AXIN2: variants seen among roughly 807,000 people sequenced by gnomAD.
AXIN2 encodes axin 2, also known as axin-2.
A neutral mutation model predicts 74.7 loss-of-function variants in AXIN2; 21 were observed. The observed-to-expected ratio is 0.28, with a 90% CI of 0.20 to 0.40. AXIN2 has a LOEUF of 0.40. Ranked by LOEUF, AXIN2 falls within the 10% of genes least tolerant of loss-of-function variation. The pLI is 1.00. For missense variants in AXIN2, 1,144 were observed against 1,111.1 expected (o/e 1.03, Z -0.42); for synonymous variants, 532 against 454.9 (o/e 1.17, Z -2.16).
At position 65,535,647 on chromosome 17, in the gene AXIN2, T is replaced by C. The variant is rs547630327; in HGVS notation, c.2216A>G (p.Asn739Ser). Residue 739 changes from asparagine (N) to serine (S), a missense_variant, in exon 9 of 11, where the codon AAT becomes AGT. Asn to Ser is a conservative substitution (Grantham distance 46). This residue lies in a region of AXIN2 where 1,053 missense variants were observed against 973.5 expected (regional missense o/e 1.08). Transcript: ENST00000307078. The stretch of plus-strand genomic sequence containing the variant: ...TCACTCTTCTGGAGCCAGGCTTGGA[T>C]TGGAGAAGGGTGTGGCTCCCGTCTG... ...TVQTGATPFSNPSLAPEDHKE... is the reference protein window; with the variant it reads ...TVQTGATPFSSPSLAPEDHKE... 53 of 1,614,128 alleles carry C rather than the reference T, an allele frequency of 3.3e-5. No individual in the cohort carries two copies. The highest frequency in any genetic ancestry group is 7.7e-5 in the South Asian group (7 of 91,076).
rs776372607 is a variant in AXIN2 at position 65,538,195 on chromosome 17, C to T, written c.1200+8G>A. The T allele has an allele frequency of 1.4e-5, 23 of 1,614,102 alleles. No homozygotes were observed. In the East Asian group the frequency reaches 1.8e-4, roughly 13 times the overall value. On this transcript the variant is annotated splice_region_variant and intron_variant, in intron 5 of 10. Transcript: ENST00000307078. ...ACGGAAGCAGGAAGAAGGCCTAGGC[C>T]GCATTACCTCTCGGATCTGCTGCAG...
In AXIN2 at chr17:65,549,577, C is replaced by G. The variant is rs1333766927; in HGVS notation, c.899G>C (p.Ser300Thr). 1 of 1,609,324 alleles carries G rather than the reference C, an allele frequency of 6.2e-7. No individual in the cohort carries two copies. ...CGTCAGCGCATCACTGGATATCTCA[C>G]TGTCGTTGGCGCTGGTGGCTGGTGC... ...VFAPATSANDSEISSDALTDD... is the reference protein window; with the variant it reads ...VFAPATSANDTEISSDALTDD... Residue 300 changes from serine to threonine, a missense_variant, in exon 3 of 11, where the codon AGT (serine) becomes ACT (threonine). Physicochemically the swap from Ser to Thr is moderately conservative, Grantham distance 58. Coordinates refer to ENST00000307078, the MANE Select transcript of AXIN2 (RefSeq NM_004655.4).
chr17:65,557,921 A>C lies in AXIN2; in HGVS notation c.700T>G (p.Trp234Gly), dbSNP rs2044294847. The part of the protein sequence containing the change: ...YLPTLNEEEE[W>G]TCADFKCKLS... ...TTGCACTTGAAGTCGGCACAAGTCC[A>C]CTCCTCTTCTTCATTCAAGGTGGGG... Residue 234 changes from tryptophan to glycine, a missense_variant, in exon 2 of 11, where the codon TGG becomes GGG. Trp to Gly is a radical substitution (Grantham distance 184, BLOSUM62 -2). This residue lies in a region of AXIN2 where 1,053 missense variants were observed against 973.5 expected (regional missense o/e 1.08). Coordinates refer to ENST00000307078, the MANE Select transcript of AXIN2 (RefSeq NM_004655.4). The C allele has an allele frequency of 6.2e-7, 1 of 1,613,516 alleles. No homozygotes were observed. Among genetic ancestry groups the C allele is most frequent in the Non-Finnish European group, 8.5e-7 (1 of 1,179,888 alleles).
chr17:65,536,598 G>A, intron 7 of AXIN2, 45 bp from the exon 8 acceptor site: 6 of 1,601,608 alleles, frequency 3.7e-6, no homozygotes, highest in South Asian at 3.3e-5. Context: ...AAAGAAACTG[G>A]GTTAGAAGAA....
chr17:65,536,120 C>A (rs2043909654), intron 8 of AXIN2, among the ~76,000 whole-genome samples, 200 bp downstream of exon 8: 1 of 152,256 alleles, frequency 6.6e-6, no homozygotes. Flanking sequence ...CCTGGCTTAA[C>A]TCTAGTAGAA....
At chr17:65,530,791 C>T (rs1270148323) in intron 10 of AXIN2, among the ~76,000 whole-genome samples, 3 of 152,212 alleles carry the variant, frequency 2.0e-5, no homozygotes, top group Non-Finnish European at 4.4e-5. Flanking sequence ...CCTCTTCTCC[C>T]ATCCCATCCC....
At chr17:65,531,158 G>A (rs988782667) in intron 10 of AXIN2, among the ~76,000 whole-genome samples, 5 of 150,844 alleles carry the variant, frequency 3.3e-5, no homozygotes, top group Admixed American at 3.3e-4. Flanking sequence ...ATTTAATTGT[G>A]TCTCAGGGTT....
In AXIN2 at chr17:65,529,181, A is replaced by AG. The variant is rs1453589716; in HGVS notation, c.*794dup. 1 of 234,216 alleles carries AG rather than the reference A, an allele frequency of 4.3e-6. No homozygotes were observed. The highest frequency in any genetic ancestry group is 8.4e-6 in the Non-Finnish European group (1 of 118,838). 14.5% of individuals were successfully genotyped at this position (234,216 alleles called of 1,614,324 possible). The stretch of plus-strand genomic sequence containing the variant: ...GCCCTGGGCCTGGGGAGGCTACATG[A>AG]GGGGGAGCCTCAGTCACAGGATCAA... On this transcript the variant is annotated 3_prime_UTR_variant, in exon 11 of 11. Coordinates refer to ENST00000307078, the MANE Select transcript of AXIN2 (RefSeq NM_004655.4).
At chr17:65,535,285 T>C (rs910967015) in intron 9 of AXIN2, among the ~76,000 whole-genome samples, 3 of 152,192 alleles carry the variant, frequency 2.0e-5, no homozygotes, top group African/African-American at 7.2e-5. Flanking sequence ...TGGAGAATGA[T>C]CTTTCTGCTC....
intron 3 of AXIN2, among the ~76,000 whole-genome samples, chr17:65,545,175 G>A (rs929006172): frequency 3.9e-5 from 6 of 152,186 alleles, no homozygotes; most frequent in African/African-American, 1.4e-4. Context: ...GCAACTCCTA[G>A]CAGAAAGAAG....
At chr17:65,534,877 C>T (rs1361282426) in intron 9 of AXIN2, among the ~76,000 whole-genome samples, 1 of 152,102 alleles carries the variant, frequency 6.6e-6, no homozygotes, top group Non-Finnish European at 1.5e-5. Flanking sequence ...CTGCAGTGGG[C>T]CAAGATTAAG....
At chr17:65,541,345 C>T in intron 4 of AXIN2, 110 bp downstream of exon 4, 1 of 986,220 alleles carries the variant, frequency 1.0e-6, no homozygotes, top group Non-Finnish European at 1.6e-6. Flanking sequence ...ACCTTAGGTA[C>T]TGCTCTTTTC....
At chr17:65,540,161 A>G (rs1196412624) in intron 4 of AXIN2, among the ~76,000 whole-genome samples, 1 of 152,268 alleles carries the variant, frequency 6.6e-6, no homozygotes, top group Non-Finnish European at 1.5e-5. Flanking sequence ...ATACATAAAT[A>G]AATGACTAAA....
intron 10 of AXIN2, 128 bp downstream of exon 10, chr17:65,533,784 C>G (rs531167593): frequency 9.4e-7 from 1 of 1,063,186 alleles, no homozygotes; most frequent in Non-Finnish European, 1.4e-6. Flanking sequence ...GAGCCTCCCC[C>G]AGCGCCTGCT....
intron 7 of AXIN2, 104 bp from the exon 8 acceptor site, chr17:65,536,657 G>C: frequency 2.8e-6 from 4 of 1,434,014 alleles, no homozygotes; most frequent in Non-Finnish European, 3.9e-6. Context: ...CTCAGAGAGA[G>C]AGTTAAAAAA....
intron 4 of AXIN2, among the ~76,000 whole-genome samples, chr17:65,540,148 T>C (rs1477500748): frequency 6.6e-6 from 1 of 152,220 alleles, no homozygotes; most frequent in Non-Finnish European, 1.5e-5. Flanking sequence ...AAATGGTCAA[T>C]GAATACATAA....
chr17:65,537,440 C>T lies in AXIN2; in HGVS notation c.1596G>A (p.Glu532=), dbSNP rs368522825. ...HAVPKTKEEI[E]AEATQRVHCF... ...AGTGCACCCGCTGCGTGGCCTCCGC[C>T]TCGATCTCCTCCTTGGTCTTGGGGA... Residue 532 remains glutamate (E), a synonymous_variant, in exon 6 of 11, where the codon GAG becomes GAA. Coordinates refer to ENST00000307078, the MANE Select transcript of AXIN2 (RefSeq NM_004655.4). 3 of 1,614,048 alleles carry T rather than the reference C, an allele frequency of 1.9e-6. No individual in the cohort carries two copies. The highest frequency in any genetic ancestry group is 8.5e-7 in the Non-Finnish European group (1 of 1,180,030).
intron 6 of AXIN2, 37 bp downstream of exon 6, chr17:65,537,287 G>A (rs1253014456): frequency 1.2e-6 from 2 of 1,612,844 alleles, no homozygotes; most frequent in Admixed American, 1.7e-5. Flanking sequence ...TGGGAGACAA[G>A]CCCCACACGG....
intron 1 of AXIN2, chr17:65,560,908 G>T (rs1408448401): frequency 6.8e-6 from 1 of 148,098 alleles, no homozygotes; most frequent in Non-Finnish European, 1.5e-5. Flanking sequence ...CTCGGCTCGC[G>T]GCGGCAGCCC....
Sources: allele counts gnomAD v4.1 joint callset (sites outside exome capture counted in the v4.1 genomes callset), GRCh38; gene constraint gnomAD v4.1.1; regional missense constraint gnomAD v4.1.1; transcripts MANE v1.5; gene names NCBI Gene and HGNC (gene_info 2026-07-23, HGNC 2026-07-21).